The following UBAP1 variants were observed in gnomAD, a reference collection of about 807,000 sequenced individuals.
UBAP1 encodes ubiquitin-associated protein 1.
A neutral mutation model predicts 39.0 loss-of-function variants in UBAP1; 5 were observed. That is an observed-to-expected ratio of 0.13 (90% CI 0.07 to 0.27). The LOEUF is 0.27. Among genes scored for constraint, UBAP1 ranks in the 10% least tolerant of loss-of-function variants. The probability of loss-of-function intolerance (pLI) is 1.00; values close to 1 mark genes in which losing one functional copy is unlikely to be tolerated. For missense variants in UBAP1, 490 were observed against 608.1 expected (o/e 0.81, Z 2.04); for synonymous variants, 211 against 225.1 (o/e 0.94, Z 0.56).
At chr9:34,219,071 A>T (rs752747449) in intron 1 of UBAP1, among the ~76,000 whole-genome samples, 1 of 152,118 alleles carries the variant, frequency 6.6e-6, no homozygotes, top group Non-Finnish European at 1.5e-5. Flanking sequence ...TCTCTACACC[A>T]TGCTGAAAAA....
In UBAP1 at chr9:34,198,090, G is replaced by A. The variant is rs529804803; in HGVS notation, c.-8+18850G>A. 9.9e-5 allele frequency among the ~76,000 whole-genome samples: 15 copies of A among 152,282 alleles called. No individual in the cohort carries two copies. In the East Asian group the frequency reaches 2.9e-3, roughly 29 times the overall value. ...TGAGGTTAGGTGGGGCTTGTTCTCTGGGGTCTGAGGCCAGTGCAGGTCTGT... is the reference window on the plus strand; with the variant it reads ...TGAGGTTAGGTGGGGCTTGTTCTCTAGGGTCTGAGGCCAGTGCAGGTCTGT... On this transcript the variant is annotated intron_variant, in intron 1 of 6. Transcript: ENST00000297661.
chr9:34,220,441 C>G (rs1832698732), intron 1 of UBAP1: 1 of 153,276 alleles, frequency 6.5e-6, no homozygotes, highest in South Asian at 2.0e-4. Context: ...CCTCCCATCT[C>G]AGCCTCCCAA....
chr9:34,217,367 G>A (rs1461170684), intron 1 of UBAP1, among the ~76,000 whole-genome samples: 1 of 152,044 alleles, frequency 6.6e-6, no homozygotes, highest in Non-Finnish European at 1.5e-5. Flanking sequence ...CTCCCAAGTA[G>A]TTGAGACTAC....
intron 1 of UBAP1, among the ~76,000 whole-genome samples, chr9:34,197,820 G>T (rs1563891926): frequency 6.6e-6 from 1 of 152,212 alleles, no homozygotes; most frequent in Non-Finnish European, 1.5e-5. Flanking sequence ...GAAGTGCTAG[G>T]ATTACAGGCG....
chr9:34,181,111 G>GTTTTCTTTTT (rs1829995120), intron 1 of UBAP1, among the ~76,000 whole-genome samples: 4 of 35,284 alleles, frequency 1.1e-4, no homozygotes, highest in Non-Finnish European at 2.8e-4. Context: ...CACCCGGCCT[G>GTTTTCTTTTT]TTTTCTTTTT....
chr9:34,236,882 C>T (rs1388166213), intron 3 of UBAP1, among the ~76,000 whole-genome samples: 2 of 151,992 alleles, frequency 1.3e-5, no homozygotes, highest in Non-Finnish European at 2.9e-5. Flanking sequence ...AAGGTTATGA[C>T]AAAGCAATTG....
At chr9:34,186,089 T>G (rs1213346518) in intron 1 of UBAP1, among the ~76,000 whole-genome samples, 2 of 152,200 alleles carry the variant, frequency 1.3e-5, no homozygotes, top group Non-Finnish European at 2.9e-5. Context: ...CCAATTCCTA[T>G]AAGGTATAAG....
At position 34,241,921 on chromosome 9, in the gene UBAP1, A is replaced by G; in HGVS notation, c.896A>G (p.Gln299Arg). Residue 299 changes from glutamine to arginine, a missense_variant, in exon 4 of 7, where the codon CAG (glutamine) becomes CGG (arginine). Gln to Arg is a conservative substitution (Grantham distance 43). Coordinates refer to ENST00000297661, the MANE Select transcript of UBAP1 (RefSeq NM_016525.5). ...TCCTGCCTCCGCAATGGCACGTTCCAGAATTCCCTAAAGCCTTCCACCCAA... is the reference window on the plus strand; with the variant it reads ...TCCTGCCTCCGCAATGGCACGTTCCGGAATTCCCTAAAGCCTTCCACCCAA... ...STSCLRNGTF[Q>R]NSLKPSTQSS... The G allele has an allele frequency of 1.9e-6, 3 of 1,614,208 alleles. No individual in the cohort carries two copies.
At chr9:34,187,071 C>G (rs945902790) in intron 1 of UBAP1, among the ~76,000 whole-genome samples, 15 of 152,128 alleles carry the variant, frequency 9.9e-5, no homozygotes, top group Non-Finnish European at 2.2e-4. Flanking sequence ...CCACGCCCAG[C>G]TAATTTCTGT....
intron 6 of UBAP1, among the ~76,000 whole-genome samples, 200 bp from the exon 7 acceptor site, chr9:34,251,192 G>A (rs1481082942): frequency 2.0e-5 from 3 of 152,128 alleles, no homozygotes; most frequent in Non-Finnish European, 2.9e-5. Context: ...GTTGATGGCC[G>A]TCACCAAACC....
chr9:34,225,779 T>TAAAAAA (rs761018796), intron 2 of UBAP1, among the ~76,000 whole-genome samples: 2 of 124,466 alleles, frequency 1.6e-5, no homozygotes, highest in African/African-American at 5.9e-5. Flanking sequence ...GACGCCATCT[T>TAAAAAA]AAAAAAAAAA....
intron 4 of UBAP1, among the ~76,000 whole-genome samples, chr9:34,242,340 G>T (rs1587881432): frequency 2.0e-5 from 3 of 152,258 alleles, no homozygotes; most frequent in East Asian, 1.9e-4. Flanking sequence ...TAGAGATGCG[G>T]TTTTGACACG....
intron 1 of UBAP1, among the ~76,000 whole-genome samples, chr9:34,184,506 C>CTG (rs1349918539): frequency 1.3e-5 from 2 of 150,920 alleles, no homozygotes; most frequent in African/African-American, 4.9e-5. Context: ...TGGCGGGCAC[C>CTG]TGTAGTCCCA....
chr9:34,205,576 C>T (rs1014659179), intron 1 of UBAP1, among the ~76,000 whole-genome samples: 1 of 152,086 alleles, frequency 6.6e-6, no homozygotes, highest in African/African-American at 2.4e-5. Flanking sequence ...AGTGAAAAGC[C>T]ACTCCTGCTA....
chr9:34,239,118 C>T (rs376876773), intron 3 of UBAP1, among the ~76,000 whole-genome samples: 32 of 152,340 alleles, frequency 2.1e-4, no homozygotes, highest in African/African-American at 7.7e-4. Flanking sequence ...CATCTTGGCT[C>T]ACTGCAACCT....
intron 2 of UBAP1, among the ~76,000 whole-genome samples, chr9:34,227,753 G>A (rs567542413): frequency 1.3e-5 from 2 of 152,310 alleles, no homozygotes; most frequent in South Asian, 4.1e-4. Context: ...AGGAAAATGG[G>A]TGCAAATATT....
At chr9:34,213,756 G>A (rs543870106) in intron 1 of UBAP1, among the ~76,000 whole-genome samples, 6 of 152,138 alleles carry the variant, frequency 3.9e-5, no homozygotes, top group South Asian at 2.1e-4. Flanking sequence ...CAATATGATC[G>A]TTTACCTTGA....
intron 2 of UBAP1, chr9:34,224,137 G>T: frequency 1.4e-6 from 1 of 731,512 alleles, no homozygotes. Context: ...GGAGACTGCT[G>T]ATTTTGGCCT....
At chr9:34,185,977 C>T (rs908922353) in intron 1 of UBAP1, among the ~76,000 whole-genome samples, 1 of 152,210 alleles carries the variant, frequency 6.6e-6, no homozygotes, top group African/African-American at 2.4e-5. Flanking sequence ...ACTAAGGTTA[C>T]AACTAGGTAG....
Sources: allele counts gnomAD v4.1 joint callset (sites outside exome capture counted in the v4.1 genomes callset), GRCh38; gene constraint gnomAD v4.1.1; transcripts MANE v1.5; gene names NCBI Gene and HGNC (gene_info 2026-07-23, HGNC 2026-07-21).